Variants in SPATA17 observed in about 807,000 individuals in gnomAD.
SPATA17 encodes the protein spermatogenesis-associated protein 17.
In SPATA17, 53 loss-of-function variants were observed where a neutral mutation model predicts 62.2. That is an observed-to-expected ratio of 0.85 (90% CI 0.68 to 1.07). SPATA17 has a LOEUF of 1.07. Ranked by LOEUF, SPATA17 falls within the 50% of genes least tolerant of loss-of-function variation. SPATA17 has a pLI of 0.00. For synonymous variants in SPATA17, 146 were observed against 146.8 expected, an observed-to-expected ratio of 0.99 and a Z score of 0.04; for missense variants, 466 against 425.5, an observed-to-expected ratio of 1.10 and a Z score of -0.84.
intron 1 of SPATA17, among the ~76,000 whole-genome samples, chr1:217,643,730 A>T (rs1670121888): frequency 6.7e-6 from 1 of 149,114 alleles, no homozygotes; most frequent in African/African-American, 2.5e-5. Flanking sequence ...ATATATATAT[A>T]TATAATTTTT....
intron 9 of SPATA17, among the ~76,000 whole-genome samples, chr1:217,842,942 C>A (rs926580064): frequency 6.7e-6 from 1 of 149,864 alleles, no homozygotes; most frequent in Non-Finnish European, 1.5e-5. Flanking sequence ...TCATACATTT[C>A]AAAATGTTTT....
chr1:217,805,676 C>G (rs141431488), intron 9 of SPATA17, among the ~76,000 whole-genome samples: 1 of 151,898 alleles, frequency 6.6e-6, no homozygotes, highest in Non-Finnish European at 1.5e-5. Context: ...AAATGGCCAA[C>G]AAGTATATGA....
intron 5 of SPATA17, among the ~76,000 whole-genome samples, chr1:217,716,798 C>A (rs563832779): frequency 6.6e-6 from 1 of 152,268 alleles, no homozygotes; most frequent in Admixed American, 6.5e-5. Flanking sequence ...TAAACAAGGA[C>A]CAGCTCAGTA....
rs181468703 is a variant in SPATA17, at chr1:217,767,346, G to A, written c.520-6988G>A. Among the ~76,000 whole-genome samples the A allele has an allele frequency of 4.7e-4, 71 of 152,048 alleles. No individual in the cohort carries two copies. The South Asian group carries it at 0.012, about 26-fold the overall frequency. ...TAATTTGCCTACTGTGGTTTTGTTC[G>A]TTTTAAAATTTATCCTACTTGATTT... On this transcript the variant is annotated intron_variant, in intron 6 of 10. Transcript: ENST00000366933.
chr1:217,739,902 T>C (rs1672590054), intron 5 of SPATA17, among the ~76,000 whole-genome samples: 1 of 152,090 alleles, frequency 6.6e-6, no homozygotes, highest in African/African-American at 2.4e-5. Context: ...TAACTACTTT[T>C]GTGTTTTGAG....
intron 3 of SPATA17, among the ~76,000 whole-genome samples, chr1:217,663,056 G>C (rs1471908293): frequency 6.6e-6 from 1 of 152,038 alleles, no homozygotes; most frequent in Admixed American, 6.6e-5. Flanking sequence ...TTTAGATTTG[G>C]TTCACCTAAT....
At chr1:217,756,615 A>G (rs1393750384) in intron 6 of SPATA17, among the ~76,000 whole-genome samples, 1 of 152,176 alleles carries the variant, frequency 6.6e-6, no homozygotes, top group Non-Finnish European at 1.5e-5. Flanking sequence ...ATTCAACATT[A>G]TTAGCCTTTA....
intron 3 of SPATA17, among the ~76,000 whole-genome samples, chr1:217,658,272 G>A (rs770559567): frequency 2.6e-5 from 4 of 152,118 alleles, no homozygotes; most frequent in Admixed American, 6.5e-5. Context: ...GTGAGTTCTC[G>A]TGTTAATTCA....
At chr1:217,820,405 G>A (rs1330712334) in intron 9 of SPATA17, among the ~76,000 whole-genome samples, 1 of 152,020 alleles carries the variant, frequency 6.6e-6, no homozygotes, top group Non-Finnish European at 1.5e-5. Context: ...TGTTCTACAA[G>A]AATGGCAGTG....
At chr1:217,814,411 A>G (rs905499744) in intron 9 of SPATA17, among the ~76,000 whole-genome samples, 2 of 152,180 alleles carry the variant, frequency 1.3e-5, no homozygotes, top group African/African-American at 4.8e-5. Context: ...TGTTTGCCCT[A>G]GATGTGCAGC....
intron 1 of SPATA17, among the ~76,000 whole-genome samples, chr1:217,631,926 TAA>T (rs1365702590): frequency 1.3e-5 from 2 of 152,200 alleles, no homozygotes; most frequent in East Asian, 3.9e-4. Flanking sequence ...CTCACGCCTG[TAA>T]TCCCAGCACT....
chr1:217,658,217 G>T (rs1032037094), intron 3 of SPATA17, among the ~76,000 whole-genome samples: 1 of 152,146 alleles, frequency 6.6e-6, no homozygotes, highest in East Asian at 1.9e-4. Context: ...GGGTCATGGG[G>T]GAGGATCCCT....
chr1:217,833,427 C>T (rs191331784), intron 9 of SPATA17, among the ~76,000 whole-genome samples: 1 of 152,248 alleles, frequency 6.6e-6, no homozygotes, highest in Admixed American at 6.5e-5. Flanking sequence ...AAGAGTGATG[C>T]AAGTCAGATA....
intron 1 of SPATA17, among the ~76,000 whole-genome samples, chr1:217,644,633 CA>C (rs1180344385): frequency 1.3e-5 from 2 of 151,874 alleles, no homozygotes; most frequent in Admixed American, 6.6e-5. Flanking sequence ...TTTAACTACA[CA>C]TTTTTTTTTC....
chr1:217,655,840 G>A (rs936369688), intron 3 of SPATA17, among the ~76,000 whole-genome samples: 1 of 152,046 alleles, frequency 6.6e-6, no homozygotes, highest in African/African-American at 2.4e-5. Flanking sequence ...ACTTAACCAG[G>A]ACGACCAAGA....
chr1:217,772,908 C>A (rs560057954), intron 6 of SPATA17, among the ~76,000 whole-genome samples: 1 of 152,048 alleles, frequency 6.6e-6, no homozygotes, highest in Non-Finnish European at 1.5e-5. Context: ...TAGGACACTG[C>A]GTTTGGGATA....
chr1:217,864,995 T>A (rs1675979514), intron 10 of SPATA17, among the ~76,000 whole-genome samples: 1 of 152,178 alleles, frequency 6.6e-6, no homozygotes, highest in African/African-American at 2.4e-5. Flanking sequence ...TTTTTAACAA[T>A]TTTGTGAATT....
intron 5 of SPATA17, among the ~76,000 whole-genome samples, chr1:217,719,819 C>A (rs1672084079): frequency 6.6e-6 from 1 of 152,172 alleles, no homozygotes. Context: ...CAATGCAATT[C>A]AGACTTCAAT....
intron 3 of SPATA17, among the ~76,000 whole-genome samples, chr1:217,667,820 A>G (rs1558558634): frequency 6.6e-6 from 1 of 152,214 alleles, no homozygotes; most frequent in Non-Finnish European, 1.5e-5. Context: ...TCAAACACCA[A>G]TTACGCCTTG....
Sources: gnomAD v4.1 joint callset for allele counts (sites outside exome capture counted in the v4.1 genomes callset) on GRCh38, gnomAD v4.1.1 for gene constraint, MANE v1.5 for transcripts, NCBI Gene and HGNC (gene_info 2026-07-23, HGNC 2026-07-21) for gene names.